ANO10: variants seen among roughly 807,000 people sequenced by gnomAD.
The protein encoded by ANO10 is anoctamin-10.
Under a neutral mutation model 74.7 loss-of-function variants are expected in ANO10, and 77 were observed. The ratio of observed to expected loss-of-function variants is 1.03; its 90% confidence interval spans 0.86 to 1.25. The LOEUF is 1.25. Ranked by LOEUF, ANO10 falls within the 50% of genes most tolerant of loss-of-function variation. The pLI, the probability that ANO10 is intolerant of heterozygous loss-of-function variation, is 0.00. For synonymous variants in ANO10, 279 were observed against 284.9 expected (o/e 0.98, Z 0.21); for missense variants, 721 against 778.1 (o/e 0.93, Z 0.87).
chr3:43,420,431 C>A (rs2092802732), intron 12 of ANO10, among the ~76,000 whole-genome samples: 1 of 151,324 alleles, frequency 6.6e-6, no homozygotes. Context: ...CCAGCCTGGG[C>A]AACAGAGCCA....
intron 11 of ANO10, among the ~76,000 whole-genome samples, chr3:43,542,393 T>C (rs1467923992): frequency 6.6e-6 from 1 of 151,840 alleles, no homozygotes; most frequent in African/African-American, 2.4e-5. Flanking sequence ...GAGAGGGAGA[T>C]AAACATGTAA....
At chr3:43,627,635 A>G (rs760439212) in intron 1 of ANO10, among the ~76,000 whole-genome samples, 1 of 152,234 alleles carries the variant, frequency 6.6e-6, no homozygotes, top group Non-Finnish European at 1.5e-5. Context: ...TGATACCAAG[A>G]TAGTGCATCT....
At chr3:43,502,507 AC>A (rs2077135884) in intron 11 of ANO10, among the ~76,000 whole-genome samples, 1 of 152,146 alleles carries the variant, frequency 6.6e-6, no homozygotes. Context: ...ACCTTGCACC[AC>A]AAGTGGAAAC....
intron 1 of ANO10, among the ~76,000 whole-genome samples, chr3:43,680,930 A>G (rs1230665284): frequency 6.6e-6 from 1 of 152,238 alleles, no homozygotes; most frequent in Non-Finnish European, 1.5e-5. Context: ...TGAAGGAAGC[A>G]CTAAACATGG....
chr3:43,628,639 C>A (rs140712152), intron 1 of ANO10, among the ~76,000 whole-genome samples: 117 of 152,228 alleles, frequency 7.7e-4, no homozygotes, highest in African/African-American at 2.6e-3. Context: ...GAAGAAATAT[C>A]CCTGAATTCT....
chr3:43,585,492 T>A (rs2081437774), intron 4 of ANO10, among the ~76,000 whole-genome samples: 1 of 152,218 alleles, frequency 6.6e-6, no homozygotes, highest in Non-Finnish European at 1.5e-5. Context: ...TTGAAGGTTT[T>A]CATTCATCTT....
At chr3:43,661,563 C>G (rs2083926800) in intron 1 of ANO10, among the ~76,000 whole-genome samples, 1 of 152,104 alleles carries the variant, frequency 6.6e-6, no homozygotes, top group Non-Finnish European at 1.5e-5. Flanking sequence ...CAATATTAAC[C>G]TTAAATGTAA....
intron 11 of ANO10, among the ~76,000 whole-genome samples, chr3:43,522,642 C>T (rs575236648): frequency 1.3e-5 from 2 of 152,264 alleles, no homozygotes; most frequent in South Asian, 4.1e-4. Context: ...ACTTGCAAGC[C>T]ACAAATACCA....
chr3:43,690,060 CTT>C (rs544735533), intron 1 of ANO10: 38 of 142,338 alleles, frequency 2.7e-4, no homozygotes, highest in Admixed American at 4.9e-4. Flanking sequence ...TAAACATAGA[CTT>C]TTTTTTTTTT....
rs563506464 is a variant in ANO10, at chr3:43,521,089, G to A, written c.1797+28631C>T. ...TTCTATTTACAAGAGCACATCACCT[G>A]CAAAGAGAAATAGTTTTACTTCTTC... On this transcript the variant is annotated intron_variant, in intron 11 of 12. Coordinates refer to ENST00000292246, the MANE Select transcript of ANO10 (RefSeq NM_018075.5). Among the ~76,000 whole-genome samples the A allele has an allele frequency of 2.8e-4, 43 of 152,258 alleles. No individual in the cohort carries two copies. The South Asian group carries it at 3.9e-3, about 14-fold the overall frequency.
chr3:43,531,514 T>C (rs1426055943), intron 11 of ANO10, among the ~76,000 whole-genome samples: 4 of 152,264 alleles, frequency 2.6e-5, no homozygotes, highest in Non-Finnish European at 4.4e-5. Context: ...GCATTTTAGG[T>C]TTCTTATTGG....
chr3:43,491,253 C>T (rs2076709183), intron 11 of ANO10, among the ~76,000 whole-genome samples: 1 of 152,162 alleles, frequency 6.6e-6, no homozygotes, highest in African/African-American at 2.4e-5. Context: ...TGGCCTCATG[C>T]CTGTAATCCC....
At chr3:43,615,883 G>A (rs1241977262) in intron 1 of ANO10, among the ~76,000 whole-genome samples, 4 of 152,062 alleles carry the variant, frequency 2.6e-5, no homozygotes, top group Admixed American at 2.6e-4. Context: ...TCGATCTCCT[G>A]ACCTTGTGAT....
chr3:43,658,365 G>A (rs1043020396), intron 1 of ANO10, among the ~76,000 whole-genome samples: 4 of 151,980 alleles, frequency 2.6e-5, no homozygotes, highest in African/African-American at 9.7e-5. Flanking sequence ...GTGGATAATG[G>A]GATATTCTAC....
At chr3:43,691,213 G>A (rs1000848022) in intron 1 of ANO10, 5 of 550,478 alleles carry the variant, frequency 9.1e-6, no homozygotes, top group African/African-American at 2.0e-5. Flanking sequence ...TCCCGGCGCC[G>A]CTCTGCCTGG....
intron 11 of ANO10, chr3:43,485,987 T>G (rs1205442720): frequency 7.8e-6 from 2 of 256,352 alleles, no homozygotes; most frequent in African/African-American, 4.8e-5. Flanking sequence ...GTATATTTCC[T>G]TGACACATTT....
At chr3:43,513,582 T>C (rs2077593529) in intron 11 of ANO10, among the ~76,000 whole-genome samples, 1 of 152,162 alleles carries the variant, frequency 6.6e-6, no homozygotes, top group South Asian at 2.1e-4. Flanking sequence ...TGATCTCCAC[T>C]CACTGCAAGC....
rs201394976 is a variant in ANO10 at position 43,636,022 on chromosome 3, C to CA, written c.-11-30160dup. On this transcript the variant is annotated intron_variant, in intron 1 of 3. Coordinates refer to the ANO10 transcript ENST00000413397. ...ATCCTTAACAAACAAGTAAAAAAAA[C>CA]AAAAAAAAACAAAAAAAACCCAAAA... Among the ~76,000 whole-genome samples the CA allele has an allele frequency of 4.9e-3, 730 of 147,490 alleles. 5 individuals are homozygous for CA. The highest frequency in any genetic ancestry group is 0.019 in the South Asian group (89 of 4,598).
intron 11 of ANO10, among the ~76,000 whole-genome samples, chr3:43,471,454 A>G (rs552273640): frequency 1.7e-4 from 26 of 152,264 alleles, no homozygotes; most frequent in Non-Finnish European, 2.5e-4. Context: ...AGGAGTGTTC[A>G]GGGCGTCTGG....
Sources: allele counts gnomAD v4.1 joint callset (sites outside exome capture counted in the v4.1 genomes callset), GRCh38; gene constraint gnomAD v4.1.1; transcripts MANE v1.5; gene names NCBI Gene and HGNC (gene_info 2026-07-23, HGNC 2026-07-21).